Variants in SYAP1 observed in about 807,000 individuals in gnomAD.
The protein encoded by SYAP1 is synapse associated protein 1, also known as synapse-associated protein 1.
Under a neutral mutation model 29.6 loss-of-function variants are expected in SYAP1, and 3 were observed. That is an observed-to-expected ratio of 0.10 (90% CI 0.05 to 0.26). SYAP1 has a LOEUF of 0.26. Ranked by LOEUF, SYAP1 falls within the 10% of genes least tolerant of loss-of-function variation. The pLI, the probability that SYAP1 is intolerant of heterozygous loss-of-function variation, is 1.00. For missense variants in SYAP1, 217 were observed against 264.1 expected (o/e 0.82, Z 1.24); for synonymous variants, 102 against 102.7 (o/e 0.99, Z 0.04).
At chrX:16,743,639 A>T in intron 4 of SYAP1, 62 bp from the exon 5 acceptor site, 1 of 1,141,476 alleles carries the variant, frequency 8.8e-7, no homozygotes, top group South Asian at 1.9e-5. Context: ...AAAAAAAAAA[A>T]ATTGTTATCT....
chrX:16,758,682 G>T (rs1382911387), intron 8 of SYAP1, among the ~76,000 whole-genome samples: 1 of 109,817 alleles, frequency 9.1e-6, no homozygotes, highest in African/African-American at 3.3e-5. Context: ...GGACTAAATT[G>T]TAAGATCCCC....
chrX:16,758,492 C>T (rs1926904041), intron 8 of SYAP1, among the ~76,000 whole-genome samples: 1 of 110,455 alleles, frequency 9.1e-6, no homozygotes, highest in Non-Finnish European at 1.9e-5. Flanking sequence ...GGACTACAGG[C>T]GTGCACCACC....
chrX:16,765,102 G>A lies in SYAP1; in HGVS notation c.*4743G>A, dbSNP rs1243630341. ...TCTATTGGCTAAACTACCGAGTCACGACATGACAAATACACATGAAGCTTT... is the reference window on the plus strand; with the variant it reads ...TCTATTGGCTAAACTACCGAGTCACAACATGACAAATACACATGAAGCTTT... On this transcript the variant is annotated 3_prime_UTR_variant, in exon 9 of 9. Coordinates refer to ENST00000380155, the MANE Select transcript of SYAP1 (RefSeq NM_032796.4). 1.8e-5 allele frequency: 2 copies of A among 111,899 alleles called. No homozygotes were observed. The highest frequency in any genetic ancestry group is 9.6e-5 in the Admixed American group (1 of 10,411). 9.2% of individuals were successfully genotyped at this position (111,899 alleles called of 1,213,427 possible).
intron 3 of SYAP1, among the ~76,000 whole-genome samples, chrX:16,738,696 C>T (rs997322515): frequency 1.4e-4 from 15 of 111,081 alleles, no homozygotes; most frequent in African/African-American, 4.3e-4. Context: ...AAAACAGTGC[C>T]CGTTTACCCA....
At chrX:16,745,015 CTT>C (rs780255426) in intron 5 of SYAP1, among the ~76,000 whole-genome samples, 1 of 111,976 alleles carries the variant, frequency 8.9e-6, no homozygotes, top group Non-Finnish European at 1.9e-5. Flanking sequence ...CCTCGGGACT[CTT>C]TTGTTTGTTT....
intron 1 of SYAP1, among the ~76,000 whole-genome samples, chrX:16,723,530 G>T (rs181593941): frequency 9.0e-6 from 1 of 111,505 alleles, no homozygotes; most frequent in African/African-American, 3.3e-5. Flanking sequence ...GTAATTACTG[G>T]CTGCCCTTCT....
chrX:16,739,658 T>A (rs1350958040), intron 3 of SYAP1, among the ~76,000 whole-genome samples: 1 of 110,753 alleles, frequency 9.0e-6, no homozygotes, highest in Non-Finnish European at 1.9e-5. Flanking sequence ...ACCAGCCTTG[T>A]GTTTCCTTCA....
At chrX:16,738,054 G>A (rs1281405211) in intron 3 of SYAP1, among the ~76,000 whole-genome samples, 1 of 111,642 alleles carries the variant, frequency 9.0e-6, no homozygotes, top group Admixed American at 9.6e-5. Flanking sequence ...GGGGAAGAGG[G>A]GAAGGAATTG....
intron 5 of SYAP1, among the ~76,000 whole-genome samples, chrX:16,744,379 C>G (rs1926547070): frequency 8.9e-6 from 1 of 112,800 alleles, no homozygotes; most frequent in Admixed American, 9.4e-5. Context: ...GTCTCAAGCT[C>G]TTCCGTGCCT....
intron 5 of SYAP1, among the ~76,000 whole-genome samples, chrX:16,749,009 C>A (rs1926668802): frequency 9.0e-6 from 1 of 110,853 alleles, no homozygotes; most frequent in Non-Finnish European, 1.9e-5. Flanking sequence ...CCTGCCTCAG[C>A]CTCCCAAAGT....
chrX:16,737,415 C>T (rs751624757), intron 3 of SYAP1, among the ~76,000 whole-genome samples: 4 of 111,584 alleles, frequency 3.6e-5, no homozygotes, highest in South Asian at 3.8e-4. Context: ...CAATTCAGTT[C>T]GAGTTGTGCC....
chrX:16,754,917 A>G (rs1926809474), intron 5 of SYAP1, 28 bp from the exon 6 acceptor site: 3 of 1,199,417 alleles, frequency 2.5e-6, no homozygotes, highest in Non-Finnish European at 3.4e-6. Context: ...GCCTTTTTCC[A>G]CTGTTCTAAT....
rs756977449 is a variant in SYAP1 at position 16,764,844 on chromosome X, A to G, written c.*4485A>G. 1 of 108,927 alleles carries G rather than the reference A, an allele frequency of 9.2e-6. No individual in the cohort carries two copies. Among genetic ancestry groups the G allele is most frequent in the Non-Finnish European group, 1.9e-5 (1 of 52,458 alleles). The allele number at this position is 108,927 out of a possible 1,213,427, so 9.0% of individuals were successfully genotyped here. On this transcript the variant is annotated 3_prime_UTR_variant, in exon 9 of 9. Coordinates refer to ENST00000380155, the MANE Select transcript of SYAP1 (RefSeq NM_032796.4). The stretch of plus-strand genomic sequence containing the variant: ...CGAGTAGCTGGGACCACAGGCATGC[A>G]CCACCACGCCTGGCTAATTTTTGTA...
chrX:16,730,956 A>C (rs1238500837), intron 1 of SYAP1, among the ~76,000 whole-genome samples: 1 of 112,878 alleles, frequency 8.9e-6, no homozygotes, highest in East Asian at 2.7e-4. Flanking sequence ...GATGCAAAGC[A>C]TTTAGCAAAC....
intron 2 of SYAP1, 85 bp from the exon 3 acceptor site, chrX:16,736,081 G>T: frequency 1.6e-6 from 1 of 614,183 alleles, no homozygotes; most frequent in South Asian, 2.6e-5. Context: ...TTTCATTTAT[G>T]TTGGTAGATA....
At chrX:16,750,545 T>C (rs1926708866) in intron 5 of SYAP1, among the ~76,000 whole-genome samples, 1 of 111,231 alleles carries the variant, frequency 9.0e-6, no homozygotes, top group Non-Finnish European at 1.9e-5. Flanking sequence ...GTTGGTGGCA[T>C]TAATAAAAGT....
intron 1 of SYAP1, among the ~76,000 whole-genome samples, chrX:16,726,142 A>G (rs1926077829): frequency 8.9e-6 from 1 of 111,887 alleles, no homozygotes; most frequent in Admixed American, 9.5e-5. Context: ...AGACCAACGC[A>G]AAATTAGAAA....
chrX:16,722,302 G>T (rs964499877), intron 1 of SYAP1, among the ~76,000 whole-genome samples: 2 of 111,352 alleles, frequency 1.8e-5, no homozygotes, highest in Non-Finnish European at 3.8e-5. Flanking sequence ...GGCCAAGGCA[G>T]GCAGATCACG....
intron 7 of SYAP1, 23 bp from the exon 8 acceptor site, chrX:16,757,139 A>G (rs1025448704): frequency 1.7e-6 from 2 of 1,206,978 alleles, no homozygotes; most frequent in African/African-American, 1.7e-5. Context: ...AACCATTTCA[A>G]GAGCTCATTT....
Sources: allele counts gnomAD v4.1 joint callset (sites outside exome capture counted in the v4.1 genomes callset), GRCh38; gene constraint gnomAD v4.1.1; transcripts MANE v1.5; gene names NCBI Gene and HGNC (gene_info 2026-07-23, HGNC 2026-07-21).